Variants in CNTN5 observed in about 807,000 individuals in gnomAD.
CNTN5 encodes the protein contactin-5.
In CNTN5, 77 loss-of-function variants were observed where a neutral mutation model predicts 129.1. That is an observed-to-expected ratio of 0.60 (90% CI 0.50 to 0.72). The LOEUF is 0.72. Ranked by LOEUF, CNTN5 falls within the 30% of genes least tolerant of loss-of-function variation. The pLI, the probability that CNTN5 is intolerant of heterozygous loss-of-function variation, is 0.00. For synonymous variants in CNTN5, 509 were observed against 465.6 expected (o/e 1.09, Z -1.20); for missense variants, 1,478 against 1,328.8 (o/e 1.11, Z -1.75).
At chr11:100,055,312 T>A (rs1212475185) in intron 9 of CNTN5, among the ~76,000 whole-genome samples, 1 of 151,652 alleles carries the variant, frequency 6.6e-6, no homozygotes, top group Non-Finnish European at 1.5e-5. Flanking sequence ...CTCTTTTTGA[T>A]CAGTATTTTA....
At chr11:99,105,138 A>G (rs1397872576) in intron 1 of CNTN5, among the ~76,000 whole-genome samples, 4 of 152,188 alleles carry the variant, frequency 2.6e-5, no homozygotes, top group Non-Finnish European at 4.4e-5. Context: ...CCTACTTGCT[A>G]TGTATCCTTA....
chr11:99,742,555 C>T (rs1328046815), intron 3 of CNTN5, among the ~76,000 whole-genome samples: 1 of 152,084 alleles, frequency 6.6e-6, no homozygotes, highest in African/African-American at 2.4e-5. Flanking sequence ...CTTTTTCTAG[C>T]TCTAAAACAC....
At chr11:99,391,900 C>T (rs916709593) in intron 2 of CNTN5, among the ~76,000 whole-genome samples, 1 of 151,920 alleles carries the variant, frequency 6.6e-6, no homozygotes, top group Admixed American at 6.6e-5. Context: ...GACTTTCCCA[C>T]CTGTATACTG....
chr11:99,819,515 C>T, intron 3 of CNTN5, 29 bp from the exon 4 acceptor site: 1 of 1,559,126 alleles, frequency 6.4e-7, no homozygotes, highest in Non-Finnish European at 8.8e-7. Flanking sequence ...CCTCAAAATT[C>T]AGATTTTATT....
intron 7 of CNTN5, among the ~76,000 whole-genome samples, chr11:99,931,892 C>G (rs1034225672): frequency 5.9e-5 from 9 of 152,162 alleles, no homozygotes; most frequent in South Asian, 2.1e-4. Flanking sequence ...CAGAGAGTAT[C>G]TAAGCTAGTC....
At chr11:99,212,406 TAA>T (rs1482719429) in intron 1 of CNTN5, among the ~76,000 whole-genome samples, 2 of 152,200 alleles carry the variant, frequency 1.3e-5, no homozygotes, top group African/African-American at 4.8e-5. Flanking sequence ...ATATTTCTTA[TAA>T]GTCTTTTGAC....
intron 2 of CNTN5, among the ~76,000 whole-genome samples, chr11:99,380,795 A>C (rs1940506029): frequency 6.6e-6 from 1 of 151,204 alleles, no homozygotes; most frequent in African/African-American, 2.4e-5. Context: ...AAGAAAAGAA[A>C]AAAGAAAAGA....
rs1038245753 is a variant in CNTN5, at chr11:100,111,968, G to A, written c.1580+37674G>A. ...TATTTGTTTACACTACGTTGTATAG[G>A]AAAATATTTTTTAAATGCTGCAATT... On this transcript the variant is annotated intron_variant, in intron 13 of 24. Transcript: ENST00000524871. 3.9e-5 allele frequency among the ~76,000 whole-genome samples: 6 copies of A among 152,244 alleles called. No homozygotes were observed. In the South Asian group the frequency reaches 6.2e-4, roughly 16 times the overall value.
At chr11:99,217,393 C>G (rs891892245) in intron 1 of CNTN5, among the ~76,000 whole-genome samples, 2 of 152,250 alleles carry the variant, frequency 1.3e-5, no homozygotes, top group Non-Finnish European at 2.9e-5. Flanking sequence ...CATCTCACCT[C>G]AGTTAAGTTG....
chr11:100,002,556 T>G (rs1939940503), intron 9 of CNTN5, among the ~76,000 whole-genome samples: 1 of 152,150 alleles, frequency 6.6e-6, no homozygotes, highest in Admixed American at 6.5e-5. Flanking sequence ...ATGAGGATAA[T>G]AGTTACATAG....
intron 2 of CNTN5, among the ~76,000 whole-genome samples, chr11:99,334,959 A>C (rs1040435553): frequency 6.6e-6 from 1 of 152,162 alleles, no homozygotes; most frequent in Non-Finnish European, 1.5e-5. Flanking sequence ...CCTAACTATC[A>C]GCAAAGCCAA....
intron 12 of CNTN5, among the ~76,000 whole-genome samples, chr11:100,072,285 C>G (rs1273302654): frequency 1.3e-5 from 2 of 152,146 alleles, no homozygotes; most frequent in African/African-American, 2.4e-5. Flanking sequence ...CTAAATCACT[C>G]TCTCCTCATG....
At chr11:99,733,128 A>G (rs1283643077) in intron 3 of CNTN5, among the ~76,000 whole-genome samples, 1 of 151,900 alleles carries the variant, frequency 6.6e-6, no homozygotes, top group African/African-American at 2.4e-5. Context: ...GTTCGAGACA[A>G]GCCCGGTCAA....
At chr11:99,879,791 A>G (rs1385097638) in intron 6 of CNTN5, among the ~76,000 whole-genome samples, 1 of 152,216 alleles carries the variant, frequency 6.6e-6, no homozygotes, top group Non-Finnish European at 1.5e-5. Flanking sequence ...TATAAAAGAA[A>G]GAGATTAAGA....
At chr11:99,688,670 A>G (rs918956022) in intron 3 of CNTN5, among the ~76,000 whole-genome samples, 4 of 152,098 alleles carry the variant, frequency 2.6e-5, no homozygotes, top group African/African-American at 9.7e-5. Context: ...ACATAGGTAA[A>G]CATGTGTCAT....
intron 1 of CNTN5, among the ~76,000 whole-genome samples, chr11:99,028,432 A>G (rs1011826346): frequency 2.6e-5 from 4 of 151,878 alleles, no homozygotes; most frequent in Admixed American, 1.3e-4. Context: ...TCATAGAGGT[A>G]TATGTGACTA....
chr11:99,723,158 A>G (rs1158222404), intron 3 of CNTN5, among the ~76,000 whole-genome samples: 3 of 152,030 alleles, frequency 2.0e-5, no homozygotes, highest in African/African-American at 7.2e-5. Flanking sequence ...GACCTGGTAT[A>G]TAATTGATTC....
chr11:100,275,531 A>G (rs956975313), intron 18 of CNTN5, among the ~76,000 whole-genome samples: 1 of 151,750 alleles, frequency 6.6e-6, no homozygotes, highest in Non-Finnish European at 1.5e-5. Context: ...GGGATGAATA[A>G]TCCTTTTCAA....
intron 1 of CNTN5, among the ~76,000 whole-genome samples, chr11:99,023,611 T>G (rs1862984076): frequency 6.6e-6 from 1 of 152,222 alleles, no homozygotes; most frequent in African/African-American, 2.4e-5. Context: ...AGAGTTTGAT[T>G]GGCTAAAACA....
Sources: allele counts gnomAD v4.1 joint callset (sites outside exome capture counted in the v4.1 genomes callset), GRCh38; gene constraint gnomAD v4.1.1; transcripts MANE v1.5; gene names NCBI Gene and HGNC (gene_info 2026-07-23, HGNC 2026-07-21).